HSPA4L: variants seen among roughly 807,000 people sequenced by gnomAD.
HSPA4L encodes the protein heat shock 70 kDa protein 4L.
Under a neutral mutation model 100.3 loss-of-function variants are expected in HSPA4L, and 48 were observed. The observed-to-expected ratio is 0.48, with a 90% CI of 0.38 to 0.61. HSPA4L has a LOEUF of 0.61. Ranked by LOEUF, HSPA4L falls within the 20% of genes least tolerant of loss-of-function variation. HSPA4L has a pLI of 0.00. For missense variants in HSPA4L, 886 were observed against 988.6 expected (o/e 0.90, Z 1.39); for synonymous variants, 319 against 328.2 (o/e 0.97, Z 0.30).
At chr4:127,808,473 C>A (rs1470435032) in intron 11 of HSPA4L, among the ~76,000 whole-genome samples, 1 of 151,876 alleles carries the variant, frequency 6.6e-6, no homozygotes, top group Non-Finnish European at 1.5e-5. Context: ...TAGTAGGTAT[C>A]ATAATTAACC....
rs571910896 is a variant in HSPA4L at position 127,839,203 on chromosome 4, T to C, written c.*6329T>C. On this transcript the variant is annotated 3_prime_UTR_variant, in exon 19 of 19. Coordinates refer to ENST00000296464, the MANE Select transcript of HSPA4L (RefSeq NM_014278.4). The stretch of plus-strand genomic sequence containing the variant: ...GTGTTGTGCATCTTCCTTGTTGTTT[T>C]AGAGTTTCCTAAATTTTTTGCTTCT... 3 of 152,364 alleles carry C rather than the reference T, an allele frequency of 2.0e-5. No homozygotes were observed. The South Asian group carries it at 6.2e-4, about 32-fold the overall frequency. 9.4% of individuals were successfully genotyped at this position (152,364 alleles called of 1,614,324 possible).
At chr4:127,831,362 G>GT (rs1210413322) in intron 18 of HSPA4L, among the ~76,000 whole-genome samples, 1 of 151,920 alleles carries the variant, frequency 6.6e-6, no homozygotes, top group African/African-American at 2.4e-5. Context: ...TTAGCTGGGC[G>GT]TGGTAGTGCA....
chr4:127,832,660 A>C (rs904123210), intron 18 of HSPA4L, 23 bp from the exon 19 acceptor site: 4 of 1,536,922 alleles, frequency 2.6e-6, no homozygotes, highest in African/African-American at 2.8e-5. Flanking sequence ...GTTTTAATAT[A>C]ATCAATTTCT....
intron 16 of HSPA4L, among the ~76,000 whole-genome samples, chr4:127,825,883 G>A (rs566242740): frequency 2.1e-4 from 30 of 145,932 alleles, no homozygotes; most frequent in Admixed American, 1.2e-3. Flanking sequence ...TTGAGATTGC[G>A]TCATTGCACT....
At chr4:127,788,120 A>C (rs1315706826) in intron 1 of HSPA4L, among the ~76,000 whole-genome samples, 3 of 152,044 alleles carry the variant, frequency 2.0e-5, no homozygotes, top group African/African-American at 7.2e-5. Context: ...ATAATGTATC[A>C]AATTTAATGT....
chr4:127,812,371 T>A (rs1175883458), intron 12 of HSPA4L, among the ~76,000 whole-genome samples: 1 of 146,292 alleles, frequency 6.8e-6, no homozygotes, highest in Non-Finnish European at 1.5e-5. Flanking sequence ...ATCGCACCAC[T>A]GCACTCCAGC....
chr4:127,799,037 A>G (rs1288245546), intron 4 of HSPA4L, among the ~76,000 whole-genome samples: 1 of 152,168 alleles, frequency 6.6e-6, no homozygotes, highest in Non-Finnish European at 1.5e-5. Context: ...AAAGGTTGAA[A>G]ATTTCTAGTT....
chr4:127,821,496 T>C (rs1390986812), intron 14 of HSPA4L, among the ~76,000 whole-genome samples: 2 of 152,298 alleles, frequency 1.3e-5, no homozygotes, highest in Admixed American at 1.3e-4. Flanking sequence ...GGTTATTTCT[T>C]TGCTTTTGTT....
intron 1 of HSPA4L, among the ~76,000 whole-genome samples, chr4:127,785,122 A>C (rs886405507): frequency 1.3e-5 from 2 of 152,236 alleles, no homozygotes; most frequent in African/African-American, 4.8e-5. Context: ...GCCTATAATT[A>C]AGGGACAAAA....
chr4:127,799,431 C>G (rs1476436953), intron 4 of HSPA4L, among the ~76,000 whole-genome samples: 2 of 152,052 alleles, frequency 1.3e-5, no homozygotes, highest in Admixed American at 1.3e-4. Context: ...CATTTAATCT[C>G]AGAAGCAATC....
chr4:127,801,817 C>A lies in HSPA4L; in HGVS notation c.562C>A (p.Leu188Ile). 6.2e-7 allele frequency: 1 copy of A among 1,610,608 alleles called. No individual in the cohort carries two copies. The highest frequency in any genetic ancestry group is 1.7e-4 in the Middle Eastern group (1 of 6,048). Residue 188 changes from leucine (L) to isoleucine (I), a missense_variant, in exon 6 of 19, where the codon CTT becomes ATT. By Grantham distance (5) the Leu-to-Ile change is conservative. Transcript: ENST00000296464. ...ALAYGIYKQD[L>I]PPLDEKPRNV... ...GGCGTATGGAATTTATAAACAGGAT[C>A]TTCCCCCATTAGATGAGAAACCAAG...
At chr4:127,830,586 G>T in intron 17 of HSPA4L, 52 bp from the exon 18 acceptor site, 1 of 1,398,912 alleles carries the variant, frequency 7.1e-7, no homozygotes, top group Non-Finnish European at 9.7e-7. Flanking sequence ...TAATAAACTG[G>T]TGCTAGCTGA....
At chr4:127,795,493 C>T (rs189719960) in intron 2 of HSPA4L, among the ~76,000 whole-genome samples, 78 of 152,182 alleles carry the variant, frequency 5.1e-4, no homozygotes, top group Admixed American at 4.3e-3. Context: ...TAATTTGAAA[C>T]GTTTTAAAGG....
chr4:127,819,501 T>TA (rs1340043443), intron 13 of HSPA4L, among the ~76,000 whole-genome samples: 1 of 152,214 alleles, frequency 6.6e-6, no homozygotes, highest in African/African-American at 2.4e-5. Flanking sequence ...TTTATTGAGA[T>TA]ATAGTTTACA....
At chr4:127,814,475 A>G (rs1366737283) in intron 12 of HSPA4L, among the ~76,000 whole-genome samples, 1 of 152,106 alleles carries the variant, frequency 6.6e-6, no homozygotes, top group Non-Finnish European at 1.5e-5. Context: ...TACAGCTAAT[A>G]TAATAAATAT....
At chr4:127,797,602 A>ATTT (rs200747966) in intron 3 of HSPA4L, among the ~76,000 whole-genome samples, 16 of 136,768 alleles carry the variant, frequency 1.2e-4, no homozygotes, top group African/African-American at 1.7e-4. Context: ...TTTAAAAAAA[A>ATTT]TTTTTTTTTT....
intron 8 of HSPA4L, 88 bp from the exon 9 acceptor site, chr4:127,804,984 TC>T: frequency 1.4e-6 from 1 of 735,152 alleles, no homozygotes; most frequent in Non-Finnish European, 2.2e-6. Context: ...AAGTAAAAAG[TC>T]AATCCACTTT....
chr4:127,804,776 G>A (rs901300243), intron 8 of HSPA4L, among the ~76,000 whole-genome samples: 2 of 151,716 alleles, frequency 1.3e-5, no homozygotes, highest in African/African-American at 4.8e-5. Context: ...TCTTCTATAG[G>A]GATTTAGGAG....
intron 10 of HSPA4L, among the ~76,000 whole-genome samples, chr4:127,807,645 A>G (rs1002100526): frequency 2.0e-5 from 3 of 152,136 alleles, no homozygotes; most frequent in Non-Finnish European, 4.4e-5. Flanking sequence ...AGCCAGAATT[A>G]AAAGGGTAAT....
Sources: gnomAD v4.1 joint callset for allele counts (sites outside exome capture counted in the v4.1 genomes callset) on GRCh38, gnomAD v4.1.1 for gene constraint, MANE v1.5 for transcripts, NCBI Gene and HGNC (gene_info 2026-07-23, HGNC 2026-07-21) for gene names.